MSL2: variants seen among roughly 807,000 people sequenced by gnomAD.
The protein encoded by MSL2 is MSL complex subunit 2, also known as E3 ubiquitin-protein ligase MSL2.
Under a neutral mutation model 35.8 loss-of-function variants are expected in MSL2, and 2 were observed. The ratio of observed to expected loss-of-function variants is 0.06; its 90% CI spans 0.02 to 0.18. MSL2 has a LOEUF of 0.18. MSL2 is among the 10% of genes least tolerant of loss of function. MSL2 has a pLI of 1.00. For synonymous variants in MSL2, 296 were observed against 255.7 expected, an observed-to-expected ratio of 1.16 and a Z score of -1.50; for missense variants, 523 against 706.7, an observed-to-expected ratio of 0.74 and a Z score of 2.95.
Position 136,151,534 on chromosome 3 carries a change from G to C in MSL2, c.1347C>G (p.Thr449=). The part of the protein sequence containing the change: ...PSHHFMPGSP[T]KTVYKKPQEK... The stretch of plus-strand genomic sequence containing the variant: ...CCTGGGGTTTTTTGTACACAGTCTT[G>C]GTAGGACTTCCTGGCATAAAATGAT... Residue 449 remains threonine, a synonymous_variant, in exon 2 of 2, where the codon ACC becomes ACG. Coordinates refer to ENST00000309993, the MANE Select transcript of MSL2 (RefSeq NM_018133.4). The surrounding 1 kb of genome is among the most constrained non-coding windows in gnomAD (Gnocchi z 5.2). 6.2e-7 allele frequency: 1 copy of C among 1,614,108 alleles called. No homozygotes were observed. The highest frequency in any genetic ancestry group is 8.5e-7 in the Non-Finnish European group (1 of 1,180,022).
At chr3:136,166,743 C>T (rs1939865526) in intron 1 of MSL2, among the ~76,000 whole-genome samples, 1 of 152,174 alleles carries the variant, frequency 6.6e-6, no homozygotes, top group African/African-American at 2.4e-5. Flanking sequence ...TTGCCCGTCT[C>T]TATACAAGAG....
rs1423673601 is a variant in MSL2, at chr3:136,195,878, G to A, written c.-765C>T. 3.2e-6 allele frequency: 3 copies of A among 946,726 alleles called. No homozygotes were observed. The highest frequency in any genetic ancestry group is 1.8e-5 in the African/African-American group (1 of 55,748). 58.6% of individuals were successfully genotyped at this position (946,726 alleles called of 1,614,324 possible). ...CGCCGCCGGCGGGCGGGAGGGGGCGGGGGGCAAGCCCGGCCGGGCCGCGGC... is the reference window on the plus strand; with the variant it reads ...CGCCGCCGGCGGGCGGGAGGGGGCGAGGGGCAAGCCCGGCCGGGCCGCGGC... On this transcript the variant is annotated 5_prime_UTR_variant, in exon 1 of 2. Coordinates refer to ENST00000309993, the MANE Select transcript of MSL2 (RefSeq NM_018133.4).
chr3:136,186,199 T>C (rs574253295), intron 1 of MSL2, among the ~76,000 whole-genome samples: 96 of 152,330 alleles, frequency 6.3e-4, no homozygotes, highest in African/African-American at 2.2e-3. Context: ...ATTTTTCCCA[T>C]ATGTCTGTGT....
rs545160682 is a variant in MSL2, at chr3:136,178,159, C to T, written c.142+16813G>A. Among the ~76,000 whole-genome samples the T allele has an allele frequency of 2.3e-4, 35 of 152,210 alleles. No homozygotes were observed. In the South Asian group the frequency reaches 4.8e-3, roughly 21 times the overall value. ...TATTCTGGTAAGAACTAAAAGAGAA[C>T]GCCAGACATCGTTTATCTTAATAAC... On this transcript the variant is annotated intron_variant, in intron 1 of 1. Coordinates refer to ENST00000309993, the MANE Select transcript of MSL2 (RefSeq NM_018133.4).
intron 1 of MSL2, among the ~76,000 whole-genome samples, chr3:136,158,220 G>A (rs987828300): frequency 6.6e-6 from 1 of 151,922 alleles, no homozygotes; most frequent in Non-Finnish European, 1.5e-5. Context: ...GCTGAGGCAG[G>A]AGAATCGCTT....
intron 1 of MSL2, among the ~76,000 whole-genome samples, chr3:136,169,705 G>T (rs550275789): frequency 3.7e-4 from 56 of 151,916 alleles, no homozygotes; most frequent in Middle Eastern, 3.4e-3. Context: ...CACCTGCCTC[G>T]GCCTCCCAAA....
At chr3:136,186,833 T>C (rs1056794910) in intron 1 of MSL2, among the ~76,000 whole-genome samples, 13 of 152,190 alleles carry the variant, frequency 8.5e-5, no homozygotes, top group Admixed American at 2.0e-4. Context: ...AACCATCCCC[T>C]GACCCTGTGG....
chr3:136,193,700 C>T (rs1023371255), intron 1 of MSL2, among the ~76,000 whole-genome samples: 7 of 152,026 alleles, frequency 4.6e-5, no homozygotes, highest in Non-Finnish European at 1.0e-4. Flanking sequence ...CTGAATCTAG[C>T]CGAAAATTAT....
chr3:136,166,066 A>G (rs1449898929), intron 1 of MSL2, among the ~76,000 whole-genome samples: 53 of 133,846 alleles, frequency 4.0e-4, no homozygotes, highest in Non-Finnish European at 7.9e-4. Flanking sequence ...TACCAGTAAA[A>G]AAAAAAAAAA....
At position 136,151,195 on chromosome 3, in the gene MSL2, A is replaced by G. The variant is rs768079331; in HGVS notation, c.1686T>C (p.His562=). The G allele has an allele frequency of 6.2e-7, 1 of 1,614,212 alleles. No individual in the cohort carries two copies. Among genetic ancestry groups the G allele is most frequent in the East Asian group, 2.2e-5 (1 of 44,886 alleles). Residue 562 remains histidine (H), a synonymous_variant, in exon 2 of 2, where the codon CAT becomes CAC. Coordinates refer to ENST00000309993, the MANE Select transcript of MSL2 (RefSeq NM_018133.4). This position sits in a 1 kb window ranked among gnomAD's most constrained non-coding sequence, Gnocchi z 5.2. ...TAGCTTCATCCAAACTTTTATCATC[A>G]TGTGTACTGGCAGCTAAAAACGTCG... ...PVTTFLAAST[H]DDKSLDEAID... is the part of the protein sequence containing the mutation.
intron 1 of MSL2, among the ~76,000 whole-genome samples, chr3:136,161,018 C>T (rs778423291): frequency 1.3e-5 from 2 of 151,884 alleles, no homozygotes; most frequent in Non-Finnish European, 2.9e-5. Flanking sequence ...ACCCGGGAGG[C>T]GGAGGTTGCA....
At chr3:136,157,922 G>A (rs1056860676) in intron 1 of MSL2, among the ~76,000 whole-genome samples, 35 of 152,234 alleles carry the variant, frequency 2.3e-4, no homozygotes, top group African/African-American at 7.5e-4. Context: ...AATTAAAAAG[G>A]AATAACACCC....
In MSL2 at chr3:136,195,165, A is replaced by G. The variant is rs763075171; in HGVS notation, c.-52T>C. The stretch of plus-strand genomic sequence containing the variant: ...CCGGTTGAAAAGAAATTCCGGATCC[A>G]ACTTAGTAAGCAGCCAGGGAACGAT... On this transcript the variant is annotated 5_prime_UTR_variant, in exon 1 of 2. Transcript: ENST00000309993. 3.9e-5 allele frequency: 61 copies of G among 1,567,754 alleles called. No homozygotes were observed. The highest frequency in any genetic ancestry group is 5.2e-5 in the Non-Finnish European group (60 of 1,159,140).
chr3:136,175,145 A>G (rs1365740410), intron 1 of MSL2, among the ~76,000 whole-genome samples: 1 of 152,152 alleles, frequency 6.6e-6, no homozygotes, highest in African/African-American at 2.4e-5. Flanking sequence ...GGAGTTCGAT[A>G]CCAGCCTGAC....
At chr3:136,166,070 A>T (rs1939840546) in intron 1 of MSL2, among the ~76,000 whole-genome samples, 1 of 140,438 alleles carries the variant, frequency 7.1e-6, no homozygotes, top group African/African-American at 3.1e-5. Flanking sequence ...AGTAAAAAAA[A>T]AAAAAAAAAA....
At position 136,164,438 on chromosome 3, in the gene MSL2, T is replaced by G. The variant is rs376207669; in HGVS notation, c.143-11700A>C. Among the ~76,000 whole-genome samples, 20 of 152,350 alleles carry G rather than the reference T, an allele frequency of 1.3e-4. No homozygotes were observed. The East Asian group carries it at 1.9e-3, about 15-fold the overall frequency. On this transcript the variant is annotated intron_variant, in intron 1 of 1. Coordinates refer to ENST00000309993, the MANE Select transcript of MSL2 (RefSeq NM_018133.4). ...CCACCACAAATATCTGAAACTTAAC[T>G]ATTAAAGATGCCCATTGGCAAACTA...
intron 1 of MSL2, among the ~76,000 whole-genome samples, chr3:136,192,513 G>A (rs1940719204): frequency 6.6e-6 from 1 of 152,072 alleles, no homozygotes; most frequent in Non-Finnish European, 1.5e-5. Flanking sequence ...TCACCAAGGA[G>A]GCAGGGAGTT....
intron 1 of MSL2, chr3:136,194,535 C>T: frequency 1.3e-6 from 1 of 748,006 alleles, no homozygotes; most frequent in Non-Finnish European, 1.6e-6. Flanking sequence ...TAGCCCACCA[C>T]TCCCACGTAA....
At position 136,195,502 on chromosome 3, in the gene MSL2, G is replaced by C; in HGVS notation, c.-389C>G. On this transcript the variant is annotated 5_prime_UTR_variant, in exon 1 of 2. Coordinates refer to ENST00000309993, the MANE Select transcript of MSL2 (RefSeq NM_018133.4). ...TCCGGACACGGAGGCGCCTCCTCAA[G>C]TCGAGCTGGCAGGCGCGGGAGCAGG... 9.9e-7 allele frequency: 1 copy of C among 1,012,768 alleles called. No individual in the cohort carries two copies. The highest frequency in any genetic ancestry group is 1.2e-6 in the Non-Finnish European group (1 of 847,706). 62.7% of individuals were successfully genotyped at this position (1,012,768 alleles called of 1,614,324 possible).
Sources: gnomAD v4.1 joint callset for allele counts (sites outside exome capture counted in the v4.1 genomes callset) on GRCh38, gnomAD v4.1.1 for gene constraint, Gnocchi (gnomAD v3.1) non-coding constraint, MANE v1.5 for transcripts, NCBI Gene and HGNC (gene_info 2026-07-23, HGNC 2026-07-21) for gene names.